Variants in SLC17A1 observed in about 807,000 individuals in gnomAD.
The protein encoded by SLC17A1 is sodium-dependent phosphate transport protein 1.
In SLC17A1, 51 loss-of-function variants were observed where a neutral mutation model predicts 53.5. The observed-to-expected ratio is 0.95, with a 90% CI of 0.76 to 1.20. SLC17A1 has a LOEUF of 1.20. Ranked by LOEUF, SLC17A1 falls within the 50% of genes most tolerant of loss-of-function variation. The probability of loss-of-function intolerance (pLI) is 0.00; values close to 1 mark genes in which losing one functional copy is unlikely to be tolerated. For missense variants in SLC17A1, 538 were observed against 568.2 expected, an observed-to-expected ratio of 0.95 and a Z score of 0.54; for synonymous variants, 179 against 198.8, an observed-to-expected ratio of 0.90 and a Z score of 0.84.
the SLC17A1 span, among the ~76,000 whole-genome samples, chr6:25,736,290 G>A: frequency 6.6e-6 from 1 of 152,034 alleles, no homozygotes; most frequent in Non-Finnish European, 1.5e-5. Context: ...AAGAACATCT[G>A]TCTGACAAAT....
At chr6:25,781,594 T>A (rs191559137), downstream of SLC17A1, among the ~76,000 whole-genome samples, 10 of 152,300 alleles carry the variant, frequency 6.6e-5, no homozygotes, top group Admixed American at 4.6e-4. Flanking sequence ...AGATTGGGCA[T>A]CTGCATCTGG....
rs143436638 is a variant in SLC17A1, at chr6:25,811,858, C to T, written c.898-88G>A. The T allele has an allele frequency of 1.2e-4, 171 of 1,379,348 alleles. No individual in the cohort carries two copies. In the East Asian group the frequency reaches 3.7e-3, roughly 30 times the overall value. 85.4% of individuals were successfully genotyped at this position (1,379,348 alleles called of 1,614,324 possible). A position where few individuals can be genotyped will look rare whatever the true frequency, so the allele number is the denominator to read the frequency against. ...TAATCCCTATGCTAAAATTTATTAT[C>T]TAAAATGTGTACTTTCATATAGGAA... On this transcript the variant is annotated intron_variant, in intron 8 of 12. Coordinates refer to ENST00000244527, the MANE Select transcript of SLC17A1 (RefSeq NM_005074.5).
the SLC17A1 span, chr6:25,776,446 T>C: frequency 1.1e-6 from 1 of 882,834 alleles, no homozygotes; most frequent in African/African-American, 1.7e-5. Context: ...ACTAAAAGTA[T>C]ATTGGCTCAT....
intron 12 of SLC17A1, among the ~76,000 whole-genome samples, chr6:25,788,301 C>CA (rs1763426845): frequency 6.6e-6 from 1 of 152,014 alleles, no homozygotes; most frequent in Non-Finnish European, 1.5e-5. Flanking sequence ...AAGACAATTA[C>CA]AAAAAATGTT....
chr6:25,727,334 C>CA, the SLC17A1 span: 3 of 1,522,632 alleles, frequency 2.0e-6, no homozygotes, highest in Non-Finnish European at 2.7e-6. Context: ...AGGCTCTTTT[C>CA]AGAGCCACTT....
chr6:25,732,731 G>A, the SLC17A1 span: 2 of 1,229,880 alleles, frequency 1.6e-6, no homozygotes, highest in Non-Finnish European at 1.2e-6. Flanking sequence ...GCTGGCCCGA[G>A]TGACAATGGC....
chr6:25,726,168 C>A, the SLC17A1 span: 1 of 1,575,798 alleles, frequency 6.3e-7, no homozygotes. Context: ...GACTCTCAGT[C>A]TTCTTGGGCA....
chr6:25,726,435 G>A, the SLC17A1 span: 127 of 1,613,930 alleles, frequency 7.9e-5, no homozygotes, highest in Non-Finnish European at 1.0e-4. Flanking sequence ...GCAGACGATG[G>A]ATCCGGCCTA....
intron 12 of SLC17A1, among the ~76,000 whole-genome samples, chr6:25,784,583 G>A (rs1581442998): frequency 6.6e-6 from 1 of 152,116 alleles, no homozygotes; most frequent in South Asian, 2.1e-4. Context: ...GCTGTCATGA[G>A]GGATCTGCCC....
chr6:25,817,294 A>G (rs1764392545), intron 6 of SLC17A1, among the ~76,000 whole-genome samples: 1 of 152,262 alleles, frequency 6.6e-6, no homozygotes, highest in Admixed American at 6.5e-5. Context: ...TTTATTGGCA[A>G]GAATATTCCA....
chr6:25,790,245 T>C (rs1000474202), intron 12 of SLC17A1, among the ~76,000 whole-genome samples: 2 of 152,120 alleles, frequency 1.3e-5, no homozygotes, highest in Non-Finnish European at 2.9e-5. Context: ...CCCAATAGAT[T>C]AATGAAGCCC....
chr6:25,740,084 C>A, the SLC17A1 span, among the ~76,000 whole-genome samples: 1 of 152,146 alleles, frequency 6.6e-6, no homozygotes, highest in Admixed American at 6.5e-5. Flanking sequence ...AAAGTTAAAA[C>A]CAGCCCCTTT....
At chr6:25,795,374 G>A (rs1022130235) in intron 12 of SLC17A1, among the ~76,000 whole-genome samples, 3 of 152,124 alleles carry the variant, frequency 2.0e-5, no homozygotes, top group African/African-American at 7.2e-5. Flanking sequence ...AATATAGCAT[G>A]TAAATAGAAA....
intron 12 of SLC17A1, among the ~76,000 whole-genome samples, chr6:25,796,682 G>A (rs1288120899): frequency 6.6e-6 from 1 of 151,992 alleles, no homozygotes; most frequent in African/African-American, 2.4e-5. Context: ...TTTGTTTAAG[G>A]TGACAAATTT....
chr6:25,729,191 T>C, the SLC17A1 span, among the ~76,000 whole-genome samples: 2 of 152,240 alleles, frequency 1.3e-5, no homozygotes, highest in Admixed American at 6.5e-5. Context: ...AGACCAAACT[T>C]CATGTAGCTT....
the SLC17A1 span, among the ~76,000 whole-genome samples, chr6:25,768,818 C>G: frequency 2.0e-5 from 3 of 152,206 alleles, no homozygotes; most frequent in African/African-American, 7.2e-5. Context: ...CCACCTCCCC[C>G]ATTACCTCCC....
chr6:25,814,088 T>C (rs930553467), intron 6 of SLC17A1, among the ~76,000 whole-genome samples: 1 of 152,260 alleles, frequency 6.6e-6, no homozygotes, highest in Non-Finnish European at 1.5e-5. Context: ...TCAGGGATTA[T>C]TGGAGTTCTA....
At chr6:25,770,507 G>C in the SLC17A1 span, 5 of 1,592,774 alleles carry the variant, frequency 3.1e-6, no homozygotes, top group Non-Finnish European at 4.3e-6. Context: ...TACATGCACT[G>C]TCCAGGAGAA....
intron 10 of SLC17A1, among the ~76,000 whole-genome samples, chr6:25,803,654 T>C: frequency 6.6e-6 from 1 of 152,264 alleles, no homozygotes; most frequent in South Asian, 2.1e-4. Context: ...TGGTGAGATT[T>C]TGAGCTCAAA....
Sources: gnomAD v4.1 joint callset for allele counts (sites outside exome capture counted in the v4.1 genomes callset) on GRCh38, gnomAD v4.1.1 for gene constraint, MANE v1.5 for transcripts, NCBI Gene and HGNC (gene_info 2026-07-23, HGNC 2026-07-21) for gene names.